Variants in CBLN2 observed in about 807,000 individuals in gnomAD.
The protein encoded by CBLN2 is cerebellin 2 precursor.
In CBLN2, 7 loss-of-function variants were observed where a neutral mutation model predicts 15.0. The observed-to-expected ratio is 0.47, with a 90% CI of 0.27 to 0.88. The LOEUF (loss-of-function observed/expected upper bound fraction) is 0.88. CBLN2 is among the 40% of genes least tolerant of loss of function. The pLI is 0.14. For missense variants in CBLN2, 242 were observed against 304.5 expected, an observed-to-expected ratio of 0.79 and a Z score of 1.53; for synonymous variants, 149 against 135.2, an observed-to-expected ratio of 1.10 and a Z score of -0.71.
At chr18:72,581,815 T>C (rs2069407191) in intron 1 of CBLN2, among the ~76,000 whole-genome samples, 1 of 152,236 alleles carries the variant, frequency 6.6e-6, no homozygotes, top group Non-Finnish European at 1.5e-5. Context: ...TCATATTCTA[T>C]TAGTTAAATT....
At chr18:72,593,908 A>C (rs1182856282) in intron 1 of CBLN2, among the ~76,000 whole-genome samples, 1 of 152,214 alleles carries the variant, frequency 6.6e-6, no homozygotes, top group Non-Finnish European at 1.5e-5. Context: ...GATAGACTGG[A>C]TAAAGAAAAT....
At chr18:72,628,650 C>A (rs1033629995) in intron 1 of CBLN2, among the ~76,000 whole-genome samples, 2 of 152,194 alleles carry the variant, frequency 1.3e-5, no homozygotes, top group African/African-American at 4.8e-5. Context: ...GCACTTGAGT[C>A]ATCTCAGACA....
intron 1 of CBLN2, among the ~76,000 whole-genome samples, chr18:72,602,891 C>G (rs1480163644): frequency 6.6e-6 from 1 of 152,176 alleles, no homozygotes; most frequent in Non-Finnish European, 1.5e-5. Flanking sequence ...TAATACTTAC[C>G]TCTTACTGGC....
upstream of CBLN2, among the ~76,000 whole-genome samples, chr18:72,546,907 A>G (rs752323660): frequency 3.3e-5 from 5 of 152,186 alleles, no homozygotes; most frequent in Non-Finnish European, 7.3e-5. Flanking sequence ...GGTATAACCT[A>G]TCTCTGAAAT....
At chr18:72,611,713 G>T (rs1363873900) in intron 1 of CBLN2, among the ~76,000 whole-genome samples, 1 of 152,084 alleles carries the variant, frequency 6.6e-6, no homozygotes, top group Non-Finnish European at 1.5e-5. Context: ...TCTGTTGATG[G>T]TTTCTTTTGC....
chr18:72,590,789 C>G (rs2069475222), intron 1 of CBLN2, among the ~76,000 whole-genome samples: 2 of 152,164 alleles, frequency 1.3e-5, no homozygotes, highest in Non-Finnish European at 2.9e-5. Context: ...TCCCATCCTT[C>G]TCATTACTAA....
intron 1 of CBLN2, among the ~76,000 whole-genome samples, chr18:72,587,249 C>T (rs1031029966): frequency 1.3e-5 from 2 of 151,982 alleles, no homozygotes; most frequent in African/African-American, 4.8e-5. Context: ...CCTTTTAAAT[C>T]TAAGTCCTTA....
chr18:72,591,521 C>T (rs1383148807), intron 1 of CBLN2, among the ~76,000 whole-genome samples: 1 of 152,112 alleles, frequency 6.6e-6, no homozygotes, highest in Non-Finnish European at 1.5e-5. Context: ...TAAACTCTTC[C>T]ATTATTTTGA....
rs2069139157 is a variant in CBLN2 at position 72,544,083 on chromosome 18, A to G, written c.-318T>C. On this transcript the variant is annotated 5_prime_UTR_variant, in exon 1 of 5. Coordinates refer to ENST00000269503, the MANE Select transcript of CBLN2 (RefSeq NM_182511.4). ...TTAGATTCTTTCTTTTCTTTCCCCA[A>G]TTCCCTCCAAGTCTTAATATTGAAT... 1.3e-5 allele frequency: 2 copies of G among 151,690 alleles called. No individual in the cohort carries two copies. The highest frequency in any genetic ancestry group is 2.4e-5 in the African/African-American group (1 of 41,298). The allele number at this position is 151,690 out of a possible 1,614,324, so 9.4% of individuals were successfully genotyped here. A position where few individuals can be genotyped will look rare whatever the true frequency, so the allele number is the denominator to read the frequency against.
intron 1 of CBLN2, among the ~76,000 whole-genome samples, chr18:72,586,369 C>A (rs188071726): frequency 6.6e-6 from 1 of 152,128 alleles, no homozygotes; most frequent in Non-Finnish European, 1.5e-5. Flanking sequence ...AAGTTCTATA[C>A]ACTAAAGGTG....
At chr18:72,636,330 T>C (rs8096363) in intron 1 of CBLN2, among the ~76,000 whole-genome samples, 64,571 of 152,050 alleles carry the variant, frequency 0.42, 15,023 homozygotes, top group Middle Eastern at 0.56. Flanking sequence ...ACTGATTATT[T>C]AGCAAGTCAC....
At chr18:72,594,342 C>T (rs2144934298) in intron 1 of CBLN2, among the ~76,000 whole-genome samples, 1 of 152,130 alleles carries the variant, frequency 6.6e-6, no homozygotes, top group East Asian at 1.9e-4. Flanking sequence ...CCTATTTTGT[C>T]AAGATGAATG....
intron 1 of CBLN2, among the ~76,000 whole-genome samples, chr18:72,585,993 G>A (rs374050054): frequency 6.6e-6 from 1 of 152,230 alleles, no homozygotes; most frequent in East Asian, 1.9e-4. Context: ...GGAGTTGCCT[G>A]TGGGGGCAGG....
chr18:72,557,271 T>C (rs2069232556), intron 1 of CBLN2, among the ~76,000 whole-genome samples: 1 of 152,200 alleles, frequency 6.6e-6, no homozygotes, highest in African/African-American at 2.4e-5. Flanking sequence ...ATTTTCTTTA[T>C]CCAGTCTCTC....
chr18:72,636,206 T>C (rs2069811300), intron 1 of CBLN2, among the ~76,000 whole-genome samples: 1 of 152,236 alleles, frequency 6.6e-6, no homozygotes, highest in African/African-American at 2.4e-5. Flanking sequence ...ACTGAAAATA[T>C]TCAAATACTA....
intron 1 of CBLN2, among the ~76,000 whole-genome samples, chr18:72,603,656 C>T (rs1054513523): frequency 6.6e-6 from 1 of 152,188 alleles, no homozygotes; most frequent in Non-Finnish European, 1.5e-5. Flanking sequence ...TCCTTTCATT[C>T]GTCATCAGTC....
chr18:72,596,091 T>C (rs748842245), intron 1 of CBLN2, among the ~76,000 whole-genome samples: 13 of 152,170 alleles, frequency 8.5e-5, no homozygotes, highest in Non-Finnish European at 1.6e-4. Context: ...CTGGTTGTTT[T>C]GTGGTCTTCT....
intron 1 of CBLN2, among the ~76,000 whole-genome samples, chr18:72,625,816 C>CTATATA (rs1330243296): frequency 2.3e-3 from 141 of 61,610 alleles, no homozygotes; most frequent in Admixed American, 4.2e-3. Flanking sequence ...CTCTCTCTCT[C>CTATATA]TCTATATATA....
Position 72,597,168 on chromosome 18 carries a change from TC to T in CBLN2, c.15+41156del, listed in dbSNP as rs1310318888. 2.0e-5 allele frequency among the ~76,000 whole-genome samples: 3 copies of T among 152,308 alleles called. No individual in the cohort carries two copies. In the East Asian group the frequency reaches 5.8e-4, roughly 29 times the overall value. On this transcript the variant is annotated intron_variant, in intron 1 of 2. Transcript: ENST00000581073. ...ACCTGGGCTTGTCGGCACCCATCCT[TC>T]TTAGGAAGGCTTTCCATGTATTTGA...
Sources: allele counts gnomAD v4.1 joint callset (sites outside exome capture counted in the v4.1 genomes callset), GRCh38; gene constraint gnomAD v4.1.1; transcripts MANE v1.5; gene names NCBI Gene and HGNC (gene_info 2026-07-23, HGNC 2026-07-21).